Variants in CLCN5 observed in about 807,000 individuals in gnomAD.
The protein encoded by CLCN5 is Cl-/H+ antiporter 5.
Under a neutral mutation model 54.0 loss-of-function variants are expected in CLCN5, and 17 were observed. The ratio of observed to expected loss-of-function variants is 0.31; its 90% CI spans 0.22 to 0.47. CLCN5 has a LOEUF of 0.47. Ranked by LOEUF, CLCN5 falls within the 20% of genes least tolerant of loss-of-function variation. CLCN5 has a pLI of 1.00. For missense variants in CLCN5, 448 were observed against 646.7 expected, an observed-to-expected ratio of 0.69 and a Z score of 3.33; for synonymous variants, 222 against 233.0, an observed-to-expected ratio of 0.95 and a Z score of 0.43.
At chrX:49,964,840 C>G (rs1283709328) in intron 3 of CLCN5, among the ~76,000 whole-genome samples, 2 of 111,071 alleles carry the variant, frequency 1.8e-5, no homozygotes, top group Non-Finnish European at 3.8e-5. Flanking sequence ...TCACACTGTT[C>G]AGTTCCACAA....
chrX:49,997,501 A>G (rs1929581874), intron 3 of CLCN5, among the ~76,000 whole-genome samples: 1 of 110,489 alleles, frequency 9.1e-6, no homozygotes, highest in Admixed American at 9.6e-5. Flanking sequence ...CCATTTTGTT[A>G]CCTTCTTCTT....
chrX:50,067,732 G>A (rs1933081189), intron 4 of CLCN5: 1 of 752,073 alleles, frequency 1.3e-6, no homozygotes, highest in Admixed American at 8.9e-5. Flanking sequence ...TCTTCCTTGA[G>A]GCAGAAAAAA....
Position 50,080,812 on chromosome X carries a change from G to A in CLCN5, c.726+96G>A, listed in dbSNP as rs1478079101. 1.1e-5 allele frequency: 8 copies of A among 752,293 alleles called. No individual in the cohort carries two copies. In the East Asian group the frequency reaches 1.9e-4, roughly 18 times the overall value. The allele number at this position is 752,293 out of a possible 1,213,427, so 62.0% of individuals were successfully genotyped here. On this transcript the variant is annotated intron_variant, in intron 8 of 14. Coordinates refer to ENST00000376091, the MANE Select transcript of CLCN5 (RefSeq NM_001127898.4). The stretch of plus-strand genomic sequence containing the variant: ...ATTCCAGCACATACCACAATTTGAT[G>A]AATGTTAAACAGGATCAGATCCTGA...
intron 3 of CLCN5, among the ~76,000 whole-genome samples, chrX:50,010,521 G>A (rs1486632169): frequency 8.9e-6 from 1 of 112,126 alleles, no homozygotes; most frequent in Non-Finnish European, 1.9e-5. Flanking sequence ...GGGATTATAG[G>A]TGTGAGCCAC....
At position 50,094,981 on chromosome X, in the gene CLCN5, G is replaced by A. The variant is rs1479239355; in HGVS notation, c.*2762G>A. The A allele has an allele frequency of 8.9e-6, 1 of 112,690 alleles. No homozygotes were observed. The highest frequency in any genetic ancestry group is 1.9e-5 in the Non-Finnish European group (1 of 53,323). 9.3% of individuals were successfully genotyped at this position (112,690 alleles called of 1,213,427 possible). ...CATGCTTAAGCAACAAATACAGCCA[G>A]TATAGGGAGGACTGTCAGTAGCATC... On this transcript the variant is annotated 3_prime_UTR_variant, in exon 15 of 15. Coordinates refer to ENST00000376091, the MANE Select transcript of CLCN5 (RefSeq NM_001127898.4).
intron 6 of CLCN5, 66 bp downstream of exon 6, chrX:50,072,654 C>G: frequency 1.2e-6 from 1 of 802,134 alleles, no homozygotes; most frequent in South Asian, 2.1e-5. Context: ...CCCGTAAGTC[C>G]TGAGCTGAGT....
chrX:50,083,943 C>A (rs113957181), intron 9 of CLCN5, among the ~76,000 whole-genome samples: 12,357 of 111,568 alleles, frequency 0.11, 1,691 homozygotes, highest in African/African-American at 0.39. Context: ...CAAATAGTTT[C>A]TAATAAAATA....
intron 3 of CLCN5, among the ~76,000 whole-genome samples, chrX:49,935,511 G>C (rs1925903461): frequency 8.9e-6 from 1 of 112,137 alleles, no homozygotes; most frequent in African/African-American, 3.2e-5. Context: ...GGGGGAGTTG[G>C]AGTGCAAATA....
At chrX:50,081,482 G>T (rs1465870100) in intron 8 of CLCN5, among the ~76,000 whole-genome samples, 159 bp from the exon 9 acceptor site, 1 of 111,509 alleles carries the variant, frequency 9.0e-6, no homozygotes, top group African/African-American at 3.3e-5. Context: ...TGCTTTCTTG[G>T]GCTCCTGGGC....
chrX:49,971,004 A>G (rs1378305979), intron 3 of CLCN5, among the ~76,000 whole-genome samples: 1 of 110,179 alleles, frequency 9.1e-6, no homozygotes, highest in Non-Finnish European at 1.9e-5. Context: ...TTTGCAGTAC[A>G]TATTTTGTAC....
intron 3 of CLCN5, among the ~76,000 whole-genome samples, chrX:50,032,130 C>A (rs1344847584): frequency 9.6e-6 from 1 of 104,369 alleles, no homozygotes; most frequent in East Asian, 3.0e-4. Context: ...TGTTGGACAT[C>A]TGGGTTGGTT....
intron 3 of CLCN5, among the ~76,000 whole-genome samples, chrX:49,977,772 A>G (rs928782065): frequency 2.2e-4 from 25 of 111,996 alleles, no homozygotes; most frequent in African/African-American, 7.5e-4. Context: ...TCCCCCCTCC[A>G]GAAGCCCAGG....
chrX:49,984,215 T>C (rs1257281860), intron 3 of CLCN5, among the ~76,000 whole-genome samples: 1 of 112,308 alleles, frequency 8.9e-6, no homozygotes, highest in East Asian at 2.8e-4. Context: ...CTGTTTTTCT[T>C]ATGAATTGTC....
chrX:50,088,708 G>A lies in CLCN5; in HGVS notation c.1568G>A (p.Gly523Asp). ...IFTFGMKIPS[G>D]LFIPSMAVGA... The stretch of plus-strand genomic sequence containing the variant: ...GGTTTCTCTTTGCAGATCCCTTCTG[G>A]CCTCTTTATCCCTAGCATGGCTGTT... Residue 523 changes from glycine to aspartate, a missense_variant, in exon 12 of 15, where the codon GGC (glycine) becomes GAC (aspartate). By Grantham distance (94) the Gly-to-Asp change is moderately conservative. This residue lies in a region of CLCN5 where 297 missense variants were observed against 470.4 expected (regional missense o/e 0.63). Coordinates refer to ENST00000376091, the MANE Select transcript of CLCN5 (RefSeq NM_001127898.4). The A allele has an allele frequency of 8.3e-7, 1 of 1,210,922 alleles. No individual in the cohort carries two copies. Among genetic ancestry groups the A allele is most frequent in the Non-Finnish European group, 1.1e-6 (1 of 894,714 alleles).
intron 3 of CLCN5, among the ~76,000 whole-genome samples, chrX:49,992,293 C>T (rs1929307593): frequency 9.4e-6 from 1 of 106,491 alleles, no homozygotes; most frequent in Non-Finnish European, 1.9e-5. Context: ...ACCATTACTG[C>T]TTTCTTTCAG....
intron 7 of CLCN5, among the ~76,000 whole-genome samples, chrX:50,078,642 T>A (rs1557192548): frequency 8.9e-6 from 1 of 112,751 alleles, no homozygotes; most frequent in Non-Finnish European, 1.9e-5. Context: ...AGTCAAGATT[T>A]AGAACTGTTC....
intron 3 of CLCN5, among the ~76,000 whole-genome samples, chrX:49,958,050 C>T (rs1927417794): frequency 9.0e-6 from 1 of 111,045 alleles, no homozygotes; most frequent in Non-Finnish European, 1.9e-5. Flanking sequence ...TGTAACCATC[C>T]CCACTATGAT....
At chrX:50,075,770 C>T in intron 6 of CLCN5, 25 bp from the exon 7 acceptor site, 1 of 1,198,091 alleles carries the variant, frequency 8.3e-7, no homozygotes, top group African/African-American at 1.7e-5. Context: ...TAACTTTGGC[C>T]TTTCCCTCCC....
chrX:50,075,396 G>GTATA (rs1192701797), intron 6 of CLCN5, among the ~76,000 whole-genome samples: 10 of 109,406 alleles, frequency 9.1e-5, no homozygotes, highest in African/African-American at 3.3e-4. Context: ...ATATGTATAT[G>GTATA]TATATATATA....
Sources: allele counts gnomAD v4.1 joint callset (sites outside exome capture counted in the v4.1 genomes callset), GRCh38; gene constraint gnomAD v4.1.1; regional missense constraint gnomAD v4.1.1; transcripts MANE v1.5; gene names NCBI Gene and HGNC (gene_info 2026-07-23, HGNC 2026-07-21).